The following TEAD1 variants were observed in gnomAD, a reference collection of about 807,000 sequenced individuals.
TEAD1 encodes the protein TEA domain transcription factor 1.
TEAD1 carries 9 observed loss-of-function variants against 54.9 expected under a neutral mutation model. The ratio of observed to expected loss-of-function variants is 0.16; its 90% CI spans 0.10 to 0.29. TEAD1 has a LOEUF of 0.29. Ranked by LOEUF, TEAD1 falls within the 10% of genes least tolerant of loss-of-function variation. The pLI is 1.00. For missense variants in TEAD1, 387 were observed against 535.9 expected (o/e 0.72, Z 2.74); for synonymous variants, 200 against 187.8 (o/e 1.07, Z -0.53).
intron 3 of TEAD1, among the ~76,000 whole-genome samples, chr11:12,856,983 C>G (rs2134060027): frequency 6.6e-6 from 1 of 152,278 alleles, no homozygotes; most frequent in South Asian, 2.1e-4. Context: ...ATTTGCTGTG[C>G]CTCAAACATG....
At chr11:12,833,662 T>TA in intron 3 of TEAD1, among the ~76,000 whole-genome samples, 1 of 152,150 alleles carries the variant, frequency 6.6e-6, no homozygotes, top group Non-Finnish European at 1.5e-5. Flanking sequence ...TCCTACAGGA[T>TA]AAAGTTTTCA....
intron 8 of TEAD1, among the ~76,000 whole-genome samples, chr11:12,882,246 T>C (rs1223861548): frequency 6.6e-6 from 1 of 152,196 alleles, no homozygotes; most frequent in Non-Finnish European, 1.5e-5. Flanking sequence ...CTGCAGCATC[T>C]TCCTCAATAT....
chr11:12,683,422 T>G (rs564466756), intron 2 of TEAD1, among the ~76,000 whole-genome samples: 5 of 152,222 alleles, frequency 3.3e-5, no homozygotes, highest in Admixed American at 3.3e-4. Flanking sequence ...ACGTTTATAT[T>G]TTTTAGGAGC....
chr11:12,775,125 A>T (rs1561592), intron 3 of TEAD1, among the ~76,000 whole-genome samples: 14,919 of 152,220 alleles, frequency 0.098, 2,502 homozygotes, highest in African/African-American at 0.34. Flanking sequence ...CTATGGAACC[A>T]TCAAACAGAG....
intron 2 of TEAD1, among the ~76,000 whole-genome samples, chr11:12,757,834 C>CAGTG (rs1945013922): frequency 6.6e-6 from 1 of 152,120 alleles, no homozygotes; most frequent in South Asian, 2.1e-4. Context: ...GACTGGAGTG[C>CAGTG]AGTGGCCTGA....
At chr11:12,933,105 A>G (rs868688628) in intron 12 of TEAD1, among the ~76,000 whole-genome samples, 13 of 152,274 alleles carry the variant, frequency 8.5e-5, no homozygotes, top group Middle Eastern at 3.4e-3. Flanking sequence ...TCGCATGACA[A>G]AACCACCTGA....
chr11:12,719,748 A>G (rs942634716), intron 2 of TEAD1, among the ~76,000 whole-genome samples: 2 of 151,920 alleles, frequency 1.3e-5, no homozygotes, highest in African/African-American at 4.8e-5. Context: ...ATTGGTTCAA[A>G]CTGCGAAGAA....
intron 2 of TEAD1, among the ~76,000 whole-genome samples, chr11:12,710,292 A>G (rs1339686478): frequency 6.6e-6 from 1 of 152,116 alleles, no homozygotes; most frequent in Non-Finnish European, 1.5e-5. Context: ...CCACTGCACT[A>G]AAGCCTGGGT....
chr11:12,729,720 A>T (rs1035785327), intron 2 of TEAD1, among the ~76,000 whole-genome samples: 3 of 152,184 alleles, frequency 2.0e-5, no homozygotes, highest in African/African-American at 7.2e-5. Flanking sequence ...TGCTAGCATT[A>T]AAGTTGTGTC....
At chr11:12,782,024 C>T (rs1358951627) in intron 3 of TEAD1, among the ~76,000 whole-genome samples, 1 of 150,910 alleles carries the variant, frequency 6.6e-6, no homozygotes, top group Admixed American at 6.6e-5. Context: ...GTAGTGCACA[C>T]CTGTAGCCCC....
intron 10 of TEAD1, among the ~76,000 whole-genome samples, chr11:12,918,450 T>C (rs910471872): frequency 6.6e-6 from 1 of 152,110 alleles, no homozygotes; most frequent in Non-Finnish European, 1.5e-5. Flanking sequence ...TTTTCCATGT[T>C]CAAGGGTAAT....
At chr11:12,816,538 G>T (rs1946420154) in intron 3 of TEAD1, among the ~76,000 whole-genome samples, 1 of 152,108 alleles carries the variant, frequency 6.6e-6, no homozygotes, top group South Asian at 2.1e-4. Flanking sequence ...GCTTATTAGG[G>T]GCATTTCCAC....
chr11:12,726,467 A>G (rs1395314863), intron 2 of TEAD1, among the ~76,000 whole-genome samples: 2 of 152,200 alleles, frequency 1.3e-5, no homozygotes, highest in Admixed American at 6.5e-5. Flanking sequence ...CTTGTGCGCT[A>G]TTCAGCACTA....
At chr11:12,934,073 A>C (rs568646550) in intron 12 of TEAD1, among the ~76,000 whole-genome samples, 9 of 152,338 alleles carry the variant, frequency 5.9e-5, no homozygotes, top group Admixed American at 5.2e-4. Flanking sequence ...TGCTGCTATA[A>C]AGACACATGC....
At chr11:12,741,638 C>G (rs1944650966) in intron 2 of TEAD1, among the ~76,000 whole-genome samples, 1 of 152,114 alleles carries the variant, frequency 6.6e-6, no homozygotes, top group Non-Finnish European at 1.5e-5. Flanking sequence ...TGGTTGTGTT[C>G]TTGATATTTT....
At chr11:12,840,468 C>G (rs922827466) in intron 3 of TEAD1, among the ~76,000 whole-genome samples, 1 of 152,048 alleles carries the variant, frequency 6.6e-6, no homozygotes, top group African/African-American at 2.4e-5. Flanking sequence ...GTAAAGAGGT[C>G]AGTCCAAATT....
intron 3 of TEAD1, among the ~76,000 whole-genome samples, chr11:12,766,697 T>C (rs1429641442): frequency 6.6e-6 from 1 of 152,244 alleles, no homozygotes; most frequent in South Asian, 2.1e-4. Flanking sequence ...ATGGTTTTGA[T>C]GTATGGATTC....
At chr11:12,802,375 C>CT (rs200085251) in intron 3 of TEAD1, among the ~76,000 whole-genome samples, 1,563 of 151,360 alleles carry the variant, frequency 0.01, 27 homozygotes, top group African/African-American at 0.037. Context: ...AATCCAGTCA[C>CT]TTTTTTTTTA....
At chr11:12,854,829 C>G (rs1947341040) in intron 3 of TEAD1, among the ~76,000 whole-genome samples, 1 of 150,418 alleles carries the variant, frequency 6.6e-6, no homozygotes, top group Non-Finnish European at 1.5e-5. Context: ...CTCCTGGGCT[C>G]AAGTTATCCT....
Sources: allele counts gnomAD v4.1 joint callset (sites outside exome capture counted in the v4.1 genomes callset), GRCh38; gene constraint gnomAD v4.1.1; transcripts MANE v1.5; gene names NCBI Gene and HGNC (gene_info 2026-07-23, HGNC 2026-07-21).